PRPSAP1: variants seen among roughly 807,000 people sequenced by gnomAD.
The protein encoded by PRPSAP1 is phosphoribosyl pyrophosphate synthetase associated protein 1.
PRPSAP1 carries 31 observed loss-of-function variants against 39.4 expected under a neutral mutation model. The ratio of observed to expected loss-of-function variants is 0.79; its 90% CI spans 0.59 to 1.06. The LOEUF is 1.06. Among genes scored for constraint, PRPSAP1 ranks in the 50% least tolerant of loss-of-function variants. PRPSAP1 has a pLI of 0.00. For missense variants in PRPSAP1, 430 were observed against 511.6 expected, an observed-to-expected ratio of 0.84 and a Z score of 1.54; for synonymous variants, 212 against 192.6, an observed-to-expected ratio of 1.10 and a Z score of -0.83.
intron 7 of PRPSAP1, among the ~76,000 whole-genome samples, chr17:76,324,998 G>T (rs942092471): frequency 4.0e-5 from 6 of 151,374 alleles, no homozygotes; most frequent in African/African-American, 1.5e-4. Flanking sequence ...AACCTGGGGG[G>T]TGGAGCTTGC....
intron 5 of PRPSAP1, 70 bp from the exon 6 acceptor site, chr17:76,330,168 A>G (rs2071305355): frequency 7.2e-7 from 1 of 1,380,880 alleles, no homozygotes; most frequent in Non-Finnish European, 1.0e-6. Flanking sequence ...CTGGTATTCA[A>G]GTTTTCCCTC....
chr17:76,344,486 C>T (rs1197936902), intron 3 of PRPSAP1, among the ~76,000 whole-genome samples, 185 bp downstream of exon 3: 3 of 149,588 alleles, frequency 2.0e-5, no homozygotes, highest in Non-Finnish European at 4.5e-5. Flanking sequence ...AGGCTGGTCT[C>T]GAACTCCTGA....
intron 7 of PRPSAP1, among the ~76,000 whole-genome samples, chr17:76,322,627 G>C (rs549077866): frequency 1.3e-5 from 2 of 152,238 alleles, no homozygotes; most frequent in South Asian, 4.1e-4. Flanking sequence ...GATTACTTGA[G>C]CCAATGAATT....
At chr17:76,351,017 A>C (rs1200829541) in intron 1 of PRPSAP1, among the ~76,000 whole-genome samples, 1 of 151,812 alleles carries the variant, frequency 6.6e-6, no homozygotes, top group Non-Finnish European at 1.5e-5. Context: ...GGGCAACAAG[A>C]GCAAAACTTC....
intron 2 of PRPSAP1, 70 bp downstream of exon 2, chr17:76,348,459 T>C (rs1403911407): frequency 6.0e-6 from 6 of 996,784 alleles, no homozygotes; most frequent in African/African-American, 3.5e-5. Context: ...GGCGACAGAG[T>C]GAGGCTCTGT....
chr17:76,353,635 G>A lies in PRPSAP1; in HGVS notation c.69C>T (p.Arg23=). 10 of 1,539,220 alleles carry A rather than the reference G, an allele frequency of 6.5e-6. No homozygotes were observed. Among genetic ancestry groups the A allele is most frequent in the Non-Finnish European group, 8.7e-6 (10 of 1,148,666 alleles). The change falls in exon 1 of 10, where the codon CGC becomes CGT. Residue 23 remains arginine (R), a synonymous_variant. Transcript: ENST00000446526. The stretch of plus-strand genomic sequence containing the variant: ...CGTTCATGGCCGGCGGGGGAACGGG[G>A]CGGGCGCGCGGGACGCGGAAAGCCG... ...ASSAFRVPRA[R]PVPPPAMNAA...
chr17:76,332,919 G>A (rs1427604489), intron 3 of PRPSAP1, among the ~76,000 whole-genome samples: 2 of 150,302 alleles, frequency 1.3e-5, no homozygotes. Flanking sequence ...TTGAGACGGA[G>A]TCTCGCTGTC....
chr17:76,353,289 G>A, intron 1 of PRPSAP1: 1 of 483,342 alleles, frequency 2.1e-6, no homozygotes, highest in South Asian at 3.1e-5. Context: ...AAGGCAGGCA[G>A]GCCGCGGACC....
intron 3 of PRPSAP1, among the ~76,000 whole-genome samples, chr17:76,336,771 T>C (rs2071384356): frequency 6.9e-6 from 1 of 144,184 alleles, no homozygotes; most frequent in Admixed American, 7.0e-5. Flanking sequence ...CAATTTCCCA[T>C]GAGGTTTTTA....
intron 3 of PRPSAP1, among the ~76,000 whole-genome samples, chr17:76,344,100 T>C (rs2071469700): frequency 6.6e-6 from 1 of 151,298 alleles, no homozygotes; most frequent in South Asian, 2.1e-4. Flanking sequence ...CATGCCACCA[T>C]GCCCAGCTAA....
intron 2 of PRPSAP1, 78 bp downstream of exon 2, chr17:76,348,451 C>T (rs1026341736): frequency 3.0e-5 from 27 of 908,288 alleles, no homozygotes; most frequent in South Asian, 1.2e-4. Flanking sequence ...CCAGCCTGGG[C>T]GACAGAGTGA....
Position 76,353,587 on chromosome 17 carries a change from G to A in PRPSAP1, c.117C>T (p.Val39=), listed in dbSNP as rs759278025. ...AMNAARTGYR[V]FSANSTAACT... Reference sequence around the variant, plus strand: ...AGGCGGCCGTGGAGTTGGCCGAGAAGACTCGGTAGCCGGTGCGAGCGGCGT... The same window carrying A: ...AGGCGGCCGTGGAGTTGGCCGAGAAAACTCGGTAGCCGGTGCGAGCGGCGT... Residue 39 remains valine (V), a synonymous_variant, in exon 1 of 10, where the codon GTC becomes GTT. Coordinates refer to ENST00000446526, the MANE Select transcript of PRPSAP1 (RefSeq NM_002766.3). The A allele has an allele frequency of 1.3e-6, 2 of 1,563,584 alleles. No individual in the cohort carries two copies. The highest frequency in any genetic ancestry group is 3.6e-5 in the Admixed American group (2 of 54,984).
chr17:76,330,806 C>T (rs2071313572), intron 4 of PRPSAP1, 140 bp from the exon 5 acceptor site: 1 of 532,834 alleles, frequency 1.9e-6, no homozygotes, highest in Non-Finnish European at 3.3e-6. Flanking sequence ...CAGTCACAGG[C>T]TTGATTGTTA....
At chr17:76,330,176 C>T in intron 5 of PRPSAP1, 78 bp from the exon 6 acceptor site, 1 of 1,312,738 alleles carries the variant, frequency 7.6e-7, no homozygotes, top group Non-Finnish European at 1.1e-6. Flanking sequence ...CAAGTTTTCC[C>T]TCTTATAATG....
At chr17:76,337,423 AAACAACAAC>A (rs960210016) in intron 3 of PRPSAP1, 50 of 81,408 alleles carry the variant, frequency 6.1e-4, no homozygotes, top group African/African-American at 1.4e-3. Context: ...CCATATTGGA[AAACAACAAC>A]AACAACAACA....
In PRPSAP1 at chr17:76,311,392, T is replaced by G; in HGVS notation, c.*150A>C. On this transcript the variant is annotated 3_prime_UTR_variant, in exon 10 of 10. Transcript: ENST00000446526. ...AGCTCTGTCTTCTTCCTGACTCTTT[T>G]AATCCCTCCTCCCCATCAATCCGGG... 1.2e-6 allele frequency: 1 copy of G among 812,560 alleles called. No homozygotes were observed. The highest frequency in any genetic ancestry group is 1.8e-6 in the Non-Finnish European group (1 of 543,312). The allele number at this position is 812,560 out of a possible 1,614,324, so 50.3% of individuals were successfully genotyped here. A position where few individuals can be genotyped will look rare whatever the true frequency, so the allele number is the denominator to read the frequency against.
intron 7 of PRPSAP1, among the ~76,000 whole-genome samples, chr17:76,327,240 T>A (rs2071264532): frequency 6.6e-6 from 1 of 151,886 alleles, no homozygotes; most frequent in South Asian, 2.1e-4. Context: ...CACAGCTACT[T>A]GGGAGGCTGA....
intron 3 of PRPSAP1, chr17:76,337,404 T>C (rs2071390446): frequency 6.8e-6 from 1 of 147,762 alleles, no homozygotes; most frequent in African/African-American, 2.5e-5. Flanking sequence ...CGCAAATTCG[T>C]GAAGTGTTCC....
intron 1 of PRPSAP1, among the ~76,000 whole-genome samples, chr17:76,348,901 C>CA (rs1294564205): frequency 6.6e-6 from 1 of 152,178 alleles, no homozygotes; most frequent in Non-Finnish European, 1.5e-5. Context: ...CAATAACACA[C>CA]ACCAGAGATA....
Sources: allele counts gnomAD v4.1 joint callset (sites outside exome capture counted in the v4.1 genomes callset), GRCh38; gene constraint gnomAD v4.1.1; transcripts MANE v1.5; gene names NCBI Gene and HGNC (gene_info 2026-07-23, HGNC 2026-07-21).